The following LMBR1 variants were observed in gnomAD, a reference collection of about 807,000 sequenced individuals.
LMBR1 encodes the protein limb region 1 protein homolog.
LMBR1 carries 52 observed loss-of-function variants against 73.9 expected under a neutral mutation model. The observed-to-expected ratio is 0.70, with a 90% CI of 0.56 to 0.89. The LOEUF (loss-of-function observed/expected upper bound fraction) is 0.89. LMBR1 is among the 40% of genes least tolerant of loss of function. LMBR1 has a pLI of 0.00. For synonymous variants in LMBR1, 215 were observed against 209.4 expected (o/e 1.03, Z -0.23); for missense variants, 539 against 579.8 (o/e 0.93, Z 0.72).
intron 1 of LMBR1, among the ~76,000 whole-genome samples, chr7:156,879,036 A>C (rs571202169): frequency 6.6e-6 from 1 of 152,344 alleles, no homozygotes; most frequent in South Asian, 2.1e-4. Context: ...CCTTATATAA[A>C]AATCAACTCA....
chr7:156,698,954 T>G (rs1808984913), intron 15 of LMBR1, among the ~76,000 whole-genome samples: 1 of 152,256 alleles, frequency 6.6e-6, no homozygotes, highest in Non-Finnish European at 1.5e-5. Context: ...CTTTTAAAAC[T>G]GAATGCCTTA....
chr7:156,691,727 G>A (rs924632666), intron 15 of LMBR1, among the ~76,000 whole-genome samples: 2 of 151,480 alleles, frequency 1.3e-5, no homozygotes, highest in African/African-American at 2.4e-5. Context: ...GAAAGAACAC[G>A]TACATCTTGT....
chr7:156,848,997 A>G (rs1234008535), intron 1 of LMBR1, among the ~76,000 whole-genome samples: 1 of 152,064 alleles, frequency 6.6e-6, no homozygotes, highest in African/African-American at 2.4e-5. Flanking sequence ...CAGCAATCCA[A>G]TTATTGGCTA....
intron 8 of LMBR1, among the ~76,000 whole-genome samples, chr7:156,758,773 C>G (rs1197528500): frequency 6.6e-6 from 1 of 152,198 alleles, no homozygotes; most frequent in Non-Finnish European, 1.5e-5. Context: ...AACCTCTCTT[C>G]TTTATAAATT....
At chr7:156,817,880 AAATACC>A (rs1255250901) in intron 4 of LMBR1, among the ~76,000 whole-genome samples, 2 of 152,150 alleles carry the variant, frequency 1.3e-5, no homozygotes, top group Non-Finnish European at 2.9e-5. Flanking sequence ...GTATATCAAC[AAATACC>A]TACATTATCA....
chr7:156,819,988 T>C (rs1299215020), intron 4 of LMBR1, among the ~76,000 whole-genome samples: 1 of 152,140 alleles, frequency 6.6e-6, no homozygotes, highest in Non-Finnish European at 1.5e-5. Context: ...CCAAAACCAA[T>C]ACTGCATTCT....
At chr7:156,718,508 G>A (rs1813727638) in intron 15 of LMBR1, among the ~76,000 whole-genome samples, 2 of 152,094 alleles carry the variant, frequency 1.3e-5, no homozygotes, top group South Asian at 2.1e-4. Flanking sequence ...TGGATCACTT[G>A]AGCCTAGGAA....
intron 1 of LMBR1, chr7:156,872,070 A>G (rs546631664): frequency 1.3e-5 from 2 of 152,290 alleles, no homozygotes; most frequent in South Asian, 4.1e-4. Flanking sequence ...GTTAGAACCA[A>G]TAAATTTAGC....
chr7:156,796,710 T>C (rs2133380106), intron 4 of LMBR1, among the ~76,000 whole-genome samples: 1 of 152,300 alleles, frequency 6.6e-6, no homozygotes, highest in Non-Finnish European at 1.5e-5. Context: ...CTAATGTTTT[T>C]TTCCATGCCC....
At chr7:156,731,564 G>A (rs1310160663) in intron 10 of LMBR1, among the ~76,000 whole-genome samples, 1 of 152,148 alleles carries the variant, frequency 6.6e-6, no homozygotes, top group African/African-American at 2.4e-5. Flanking sequence ...GAAGACAGTA[G>A]AACAACATCT....
intron 15 of LMBR1, among the ~76,000 whole-genome samples, chr7:156,698,161 G>A (rs369186342): frequency 1.3e-5 from 2 of 152,162 alleles, no homozygotes; most frequent in Admixed American, 6.5e-5. Flanking sequence ...TCCATGTCTC[G>A]CATCCAGGTC....
At chr7:156,694,779 G>C (rs756434994) in intron 15 of LMBR1, among the ~76,000 whole-genome samples, 1 of 152,110 alleles carries the variant, frequency 6.6e-6, no homozygotes, top group African/African-American at 2.4e-5. Flanking sequence ...ACTAAGAATG[G>C]ACTTTCCAAA....
At chr7:156,672,975 G>A (rs537887667), downstream of LMBR1, among the ~76,000 whole-genome samples, 4 of 152,232 alleles carry the variant, frequency 2.6e-5, no homozygotes, top group African/African-American at 9.6e-5. Context: ...CTCACCCCGC[G>A]GACTGTGGCC....
Position 156,684,024 on chromosome 7 carries a change from C to A in LMBR1, c.*54G>T. On this transcript the variant is annotated 3_prime_UTR_variant, in exon 17 of 17. Coordinates refer to ENST00000353442, the MANE Select transcript of LMBR1 (RefSeq NM_022458.4). ...ATGCTTCTACATGGGACAGGAATGT[C>A]GTGAATCTGGAGTTCTCGGGTCTCT... 1 of 1,393,570 alleles carries A rather than the reference C, an allele frequency of 7.2e-7. No homozygotes were observed. The highest frequency in any genetic ancestry group is 1.4e-5 in the African/African-American group (1 of 70,298). The allele number at this position is 1,393,570 out of a possible 1,614,324, so 86.3% of individuals were successfully genotyped here.
chr7:156,698,304 T>A (rs1808780175), intron 15 of LMBR1, among the ~76,000 whole-genome samples: 1 of 152,324 alleles, frequency 6.6e-6, no homozygotes, highest in African/African-American at 2.4e-5. Flanking sequence ...AAGCTGTCAG[T>A]GGATCTACCA....
intron 1 of LMBR1, among the ~76,000 whole-genome samples, chr7:156,880,399 A>ATAC (rs1196687334): frequency 6.6e-6 from 1 of 152,138 alleles, no homozygotes; most frequent in Non-Finnish European, 1.5e-5. Context: ...GATTCAGTGT[A>ATAC]TACTGCTTGT....
chr7:156,851,217 T>C (rs796318394), intron 1 of LMBR1, among the ~76,000 whole-genome samples: 3 of 152,252 alleles, frequency 2.0e-5, no homozygotes, highest in African/African-American at 7.2e-5. Context: ...AACACACCCT[T>C]CAAAACAGAG....
At chr7:156,725,225 G>A (rs530965697) in intron 14 of LMBR1, among the ~76,000 whole-genome samples, 53 of 152,212 alleles carry the variant, frequency 3.5e-4, no homozygotes, top group African/African-American at 1.2e-3. Flanking sequence ...GCAGTTCTCC[G>A]CATTTACAGT....
chr7:156,728,082 A>G lies in LMBR1; in HGVS notation c.916-75T>C. On this transcript the variant is annotated intron_variant, in intron 11 of 16. Coordinates refer to ENST00000353442, the MANE Select transcript of LMBR1 (RefSeq NM_022458.4). ...AAAATATTAAAATCTAGGTAACCAAATACACGTTTCAGAATAGAGGGAAAG... is the reference window on the plus strand; with the variant it reads ...AAAATATTAAAATCTAGGTAACCAAGTACACGTTTCAGAATAGAGGGAAAG... 3 of 1,159,298 alleles carry G rather than the reference A, an allele frequency of 2.6e-6. No individual in the cohort carries two copies. In the East Asian group the frequency reaches 7.1e-5, roughly 28 times the overall value. The allele number at this position is 1,159,298 out of a possible 1,614,324, so 71.8% of individuals were successfully genotyped here.
Sources: gnomAD v4.1 joint callset for allele counts (sites outside exome capture counted in the v4.1 genomes callset) on GRCh38, gnomAD v4.1.1 for gene constraint, MANE v1.5 for transcripts, NCBI Gene and HGNC (gene_info 2026-07-23, HGNC 2026-07-21) for gene names.